SDS: variants seen among roughly 807,000 people sequenced by gnomAD.
The protein encoded by SDS is L-serine dehydratase/L-threonine deaminase.
Under a neutral mutation model 29.3 loss-of-function variants are expected in SDS, and 19 were observed. That is an observed-to-expected ratio of 0.65 (90% CI 0.45 to 0.95). The LOEUF (loss-of-function observed/expected upper bound fraction) is 0.95, where lower values mean the gene tolerates loss of function less well. Among genes scored for constraint, SDS ranks in the 40% least tolerant of loss-of-function variants. SDS has a pLI of 0.00. For synonymous variants in SDS, 176 were observed against 189.0 expected (o/e 0.93, Z 0.56); for missense variants, 375 against 439.9 (o/e 0.85, Z 1.32).
intron 6 of SDS, among the ~76,000 whole-genome samples, chr12:113,394,402 C>T (rs1290335986): frequency 6.8e-6 from 1 of 147,434 alleles, no homozygotes; most frequent in African/African-American, 2.5e-5. Flanking sequence ...TGCAGTGGTG[C>T]GATCTCAGCT....
chr12:113,393,975 G>T lies in SDS; in HGVS notation c.695C>A (p.Ala232Asp), dbSNP rs1957628692. ...ALGVKTVGAQ[A>D]LKLFQEHPIF... ...GGGGTGTTCCTGAAACAGCTTCAGG[G>T]CCTGAGCCCCCACAGTCTTCACGCC... Residue 232 changes from alanine to aspartate, a missense_variant, in exon 7 of 8, where the codon GCC becomes GAC. Coordinates refer to ENST00000257549, the MANE Select transcript of SDS (RefSeq NM_006843.3). 1.9e-6 allele frequency: 3 copies of T among 1,614,060 alleles called. No individual in the cohort carries two copies. Among genetic ancestry groups the T allele is most frequent in the African/African-American group, 2.7e-5 (2 of 74,936 alleles).
Position 113,393,092 on chromosome 12 carries a change from C to G in SDS, c.836G>C (p.Ser279Thr), listed in dbSNP as rs766361189. ...ACGAALAAVY[S>T]HVIQKLQLEG... ...CAGTTGGAGCTTCTGGATCACGTGG[C>G]TATAGACAGCGGCCAGGGCTGCCCC... Residue 279 changes from serine (S) to threonine (T), a missense_variant, in exon 8 of 8, where the codon AGC becomes ACC. Transcript: ENST00000257549. The G allele has an allele frequency of 9.9e-6, 16 of 1,614,106 alleles. No homozygotes were observed. The highest frequency in any genetic ancestry group is 1.3e-5 in the African/African-American group (1 of 74,960).
intron 2 of SDS, 35 bp from the exon 3 acceptor site, chr12:113,399,186 C>A (rs1312406587): frequency 6.2e-7 from 1 of 1,610,998 alleles, no homozygotes; most frequent in African/African-American, 1.3e-5. Flanking sequence ...TCAGGCCCAC[C>A]TCCCAGTCAT....
chr12:113,402,274 C>A (rs1182432278), intron 1 of SDS, among the ~76,000 whole-genome samples: 1 of 152,110 alleles, frequency 6.6e-6, no homozygotes, highest in Admixed American at 6.5e-5. Flanking sequence ...GGAGGTTAAT[C>A]CCCAAACAAT....
intron 6 of SDS, among the ~76,000 whole-genome samples, chr12:113,396,415 TTC>T (rs1957644622): frequency 6.6e-6 from 1 of 151,262 alleles, no homozygotes; most frequent in Non-Finnish European, 1.5e-5. Context: ...TCTTTTTTCT[TTC>T]TTTCTCTCTT....
At position 113,392,924 on chromosome 12, in the gene SDS, C is replaced by A. The variant is rs749702227; in HGVS notation, c.*17G>T. On this transcript the variant is annotated 3_prime_UTR_variant, in exon 8 of 8. Coordinates refer to ENST00000257549, the MANE Select transcript of SDS (RefSeq NM_006843.3). ...TCTCTTGGGCTAGGAGAGCACAGAT[C>A]GGTAAGGGGTCCGTCCTCACTTGGG... The A allele has an allele frequency of 1.9e-6, 3 of 1,611,760 alleles. No individual in the cohort carries two copies. The highest frequency in any genetic ancestry group is 2.2e-5 in the South Asian group (2 of 90,898).
chr12:113,394,334 TGTTTTTTTG>T (rs1183791428), intron 6 of SDS, among the ~76,000 whole-genome samples: 4 of 149,986 alleles, frequency 2.7e-5, no homozygotes, highest in African/African-American at 9.9e-5. Context: ...GTTTTTTTGT[TGTTTTTTTG>T]TTTTTTTTTT....
At chr12:113,398,151 A>C (rs1377850614) in intron 5 of SDS, among the ~76,000 whole-genome samples, 5 of 151,280 alleles carry the variant, frequency 3.3e-5, no homozygotes, top group Non-Finnish European at 7.4e-5. Flanking sequence ...GCTCACTGCA[A>C]CTTCCACCTC....
rs1236505521 is a variant in SDS, at chr12:113,403,839, C to A, written c.-74G>T. On this transcript the variant is annotated 5_prime_UTR_variant, in exon 1 of 8. Coordinates refer to ENST00000257549, the MANE Select transcript of SDS (RefSeq NM_006843.3). ...AGGGAGGGATCAACTGAGTAGATAG[C>A]CCACGAAGAGAGGGGGCTGAGGACG... The A allele has an allele frequency of 1.3e-5, 2 of 152,472 alleles. No individual in the cohort carries two copies. Among genetic ancestry groups the A allele is most frequent in the African/African-American group, 4.8e-5 (2 of 41,434 alleles). The allele number at this position is 152,472 out of a possible 1,614,324, so 9.4% of individuals were successfully genotyped here. A position where few individuals can be genotyped will look rare whatever the true frequency, so the allele number is the denominator to read the frequency against.
chr12:113,392,905 G>A lies in SDS; in HGVS notation c.*36C>T. On this transcript the variant is annotated 3_prime_UTR_variant, in exon 8 of 8. Coordinates refer to ENST00000257549, the MANE Select transcript of SDS (RefSeq NM_006843.3). The stretch of plus-strand genomic sequence containing the variant: ...ACTCCAGCCCCTCCAGGGGTCTCTT[G>A]GGCTAGGAGAGCACAGATCGGTAAG... The A allele has an allele frequency of 6.3e-7, 1 of 1,593,972 alleles. No individual in the cohort carries two copies. Among genetic ancestry groups the A allele is most frequent in the South Asian group, 1.1e-5 (1 of 90,056 alleles).
intron 6 of SDS, chr12:113,396,823 A>T (rs1197879143): frequency 6.2e-6 from 2 of 325,052 alleles, no homozygotes; most frequent in African/African-American, 4.2e-5. Flanking sequence ...CTTTTTTTAG[A>T]GGTGGGAATC....
At chr12:113,399,420 G>A (rs1194031254) in intron 2 of SDS, 136 bp downstream of exon 2, 7 of 1,116,006 alleles carry the variant, frequency 6.3e-6, no homozygotes, top group African/African-American at 4.7e-5. Context: ...AAGCCCTAAT[G>A]GTGGACGCTC....
At chr12:113,396,956 C>A in intron 6 of SDS, 1 of 592,336 alleles carries the variant, frequency 1.7e-6, no homozygotes, top group Non-Finnish European at 3.0e-6. Flanking sequence ...AGGCTTTTCA[C>A]GTGAGGAAGT....
intron 7 of SDS, among the ~76,000 whole-genome samples, chr12:113,393,547 C>G (rs867766506): frequency 5.3e-5 from 8 of 152,296 alleles, no homozygotes; most frequent in South Asian, 2.1e-4. Flanking sequence ...AGCCTAGTTA[C>G]AGACTCACCT....
chr12:113,392,936 C>T lies in SDS; in HGVS notation c.*5G>A, dbSNP rs563245775. 3.1e-6 allele frequency: 5 copies of T among 1,613,532 alleles called. No homozygotes were observed. The highest frequency in any genetic ancestry group is 4.5e-5 in the East Asian group (2 of 44,886). On this transcript the variant is annotated 3_prime_UTR_variant, in exon 8 of 8. Coordinates refer to ENST00000257549, the MANE Select transcript of SDS (RefSeq NM_006843.3). ...GGAGAGCACAGATCGGTAAGGGGTC[C>T]GTCCTCACTTGGGCAACCTATTTGT...
chr12:113,401,374 TATTCATTC>T (rs200709963), intron 1 of SDS, among the ~76,000 whole-genome samples: 251 of 150,326 alleles, frequency 1.7e-3, no homozygotes, highest in African/African-American at 5.4e-3. Flanking sequence ...TTTTAAATTT[TATTCATTC>T]ATTCATTCAT....
chr12:113,393,261 G>T, intron 7 of SDS, 112 bp from the exon 8 acceptor site: 1 of 1,045,568 alleles, frequency 9.6e-7, no homozygotes. Flanking sequence ...TCTCAGCCCT[G>T]GCTGCAGCCG....
chr12:113,403,167 CCCAGG>C lies in SDS; in HGVS notation c.-3+596_-3+600del, dbSNP rs1159152247. On this transcript the variant is annotated intron_variant, in intron 1 of 7. Coordinates refer to ENST00000257549, the MANE Select transcript of SDS (RefSeq NM_006843.3). ...TTTGAGACAAGGTCTTGCTGTGTCACCCAGGCTGGAGTGCAGGGGCGCAATAATTG... is the reference window on the plus strand; with the variant it reads ...TTTGAGACAAGGTCTTGCTGTGTCACCTGGAGTGCAGGGGCGCAATAATTG... 2.0e-5 allele frequency among the ~76,000 whole-genome samples: 3 copies of C among 152,118 alleles called. No homozygotes were observed. The East Asian group carries it at 5.8e-4, about 29-fold the overall frequency.
chr12:113,400,240 C>T (rs568823517), intron 1 of SDS, among the ~76,000 whole-genome samples: 5 of 150,996 alleles, frequency 3.3e-5, no homozygotes, highest in Non-Finnish European at 5.9e-5. Flanking sequence ...TTGCAGTGAG[C>T]GAGATCGCGC....
Sources: gnomAD v4.1 joint callset for allele counts (sites outside exome capture counted in the v4.1 genomes callset) on GRCh38, gnomAD v4.1.1 for gene constraint, MANE v1.5 for transcripts, NCBI Gene and HGNC (gene_info 2026-07-23, HGNC 2026-07-21) for gene names.